ACBD6: variants seen among roughly 807,000 people sequenced by gnomAD.
The protein encoded by ACBD6 is acyl-CoA binding domain containing 6, also known as acyl-CoA-binding domain-containing protein 6.
A neutral mutation model predicts 37.2 loss-of-function variants in ACBD6; 28 were observed. The ratio of observed to expected loss-of-function variants is 0.75; its 90% CI spans 0.56 to 1.03. The LOEUF is 1.03. Among genes scored for constraint, ACBD6 ranks in the 50% least tolerant of loss-of-function variants. ACBD6 has a pLI of 0.00. For synonymous variants in ACBD6, 113 were observed against 126.8 expected (o/e 0.89, Z 0.73); for missense variants, 340 against 337.4 (o/e 1.01, Z -0.06).
chr1:180,466,636 A>C (rs1456132251), intron 3 of ACBD6, among the ~76,000 whole-genome samples: 1 of 152,220 alleles, frequency 6.6e-6, no homozygotes, highest in Non-Finnish European at 1.5e-5. Flanking sequence ...CAATTGGGAT[A>C]AACTTCATTA....
rs746011954 is a variant in ACBD6, at chr1:180,502,303, GTCC to G, written c.-40_-38del. 6.2e-7 allele frequency: 1 copy of G among 1,607,074 alleles called. No individual in the cohort carries two copies. The highest frequency in any genetic ancestry group is 8.5e-7 in the Non-Finnish European group (1 of 1,177,022). ...CGCTCCGTCCCTCTGTGTCCGGTCT[GTCC>G]TCCTTGGATTGGGTGTAAGGCCGGC... On this transcript the variant is annotated 5_prime_UTR_variant, in exon 1 of 8. Coordinates refer to ENST00000367595, the MANE Select transcript of ACBD6 (RefSeq NM_032360.4).
intron 7 of ACBD6, 63 bp downstream of exon 7, chr1:180,314,629 T>C: frequency 1.5e-6 from 2 of 1,353,102 alleles, no homozygotes; most frequent in Non-Finnish European, 2.1e-6. Context: ...ATGGACAAAG[T>C]TGAAATAAAC....
At chr1:180,482,413 T>C (rs1181730871) in intron 3 of ACBD6, among the ~76,000 whole-genome samples, 1 of 151,796 alleles carries the variant, frequency 6.6e-6, no homozygotes, top group Non-Finnish European at 1.5e-5. Context: ...TAACAATGGA[T>C]GCTAGTCTAA....
intron 7 of ACBD6, among the ~76,000 whole-genome samples, chr1:180,295,852 A>G (rs1373061326): frequency 1.3e-5 from 2 of 152,112 alleles, no homozygotes; most frequent in Admixed American, 1.3e-4. Context: ...AGACACAATA[A>G]TATTGAAATT....
intron 3 of ACBD6, among the ~76,000 whole-genome samples, chr1:180,432,694 G>C (rs1451912167): frequency 6.6e-6 from 1 of 151,936 alleles, no homozygotes; most frequent in Non-Finnish European, 1.5e-5. Flanking sequence ...AAAAAGAAGA[G>C]TCAAATAACT....
chr1:180,324,392 T>C (rs1358989408), intron 6 of ACBD6, among the ~76,000 whole-genome samples: 1 of 152,092 alleles, frequency 6.6e-6, no homozygotes, highest in Non-Finnish European at 1.5e-5. Context: ...TTTTTTGATT[T>C]GAGGTTATCA....
chr1:180,404,443 G>GA (rs1358567829), intron 5 of ACBD6, among the ~76,000 whole-genome samples: 2 of 152,050 alleles, frequency 1.3e-5, no homozygotes, highest in Middle Eastern at 3.4e-3. Flanking sequence ...TGGCTCATGT[G>GA]AAAAAAATAT....
intron 6 of ACBD6, among the ~76,000 whole-genome samples, chr1:180,373,445 C>A (rs1368934855): frequency 6.6e-6 from 1 of 152,122 alleles, no homozygotes; most frequent in African/African-American, 2.4e-5. Context: ...AGAGTACTAG[C>A]CTTTACCTAA....
chr1:180,416,681 G>A (rs1171853559), intron 4 of ACBD6, among the ~76,000 whole-genome samples: 1 of 152,128 alleles, frequency 6.6e-6, no homozygotes, highest in Non-Finnish European at 1.5e-5. Flanking sequence ...AATAATCACT[G>A]GTTTTGACAT....
intron 3 of ACBD6, among the ~76,000 whole-genome samples, chr1:180,478,168 GATA>G (rs1356528518): frequency 4.0e-5 from 6 of 151,844 alleles, no homozygotes; most frequent in Non-Finnish European, 8.8e-5. Context: ...GGGATGTAAA[GATA>G]ATAAGATTAT....
At chr1:180,485,023 T>C (rs1309542232) in intron 3 of ACBD6, among the ~76,000 whole-genome samples, 4 of 151,396 alleles carry the variant, frequency 2.6e-5, no homozygotes, top group Non-Finnish European at 2.9e-5. Context: ...TGAGCCGAGA[T>C]TGCACAACTG....
chr1:180,339,678 T>C (rs1362215173), intron 6 of ACBD6, among the ~76,000 whole-genome samples: 2 of 151,998 alleles, frequency 1.3e-5, no homozygotes, highest in Non-Finnish European at 2.9e-5. Flanking sequence ...ACTTAAAGTA[T>C]AATTAAAAAA....
intron 4 of ACBD6, among the ~76,000 whole-genome samples, chr1:180,418,938 G>GT (rs1469919948): frequency 1.3e-5 from 2 of 152,240 alleles, no homozygotes; most frequent in East Asian, 3.9e-4. Flanking sequence ...GTGTTTTTTT[G>GT]TGTGTTGTGC....
chr1:180,487,062 A>G (rs1651295680), intron 3 of ACBD6, among the ~76,000 whole-genome samples: 1 of 152,190 alleles, frequency 6.6e-6, no homozygotes, highest in African/African-American at 2.4e-5. Flanking sequence ...AGAGGAGACT[A>G]AAGATACATG....
At chr1:180,501,751 TA>T (rs1396629585) in intron 1 of ACBD6, among the ~76,000 whole-genome samples, 1 of 152,122 alleles carries the variant, frequency 6.6e-6, no homozygotes, top group Non-Finnish European at 1.5e-5. Flanking sequence ...CCTCATTTTG[TA>T]AAGGTTCTTG....
At chr1:180,491,981 TG>T (rs1651522553) in intron 3 of ACBD6, among the ~76,000 whole-genome samples, 1 of 152,088 alleles carries the variant, frequency 6.6e-6, no homozygotes, top group Admixed American at 6.6e-5. Flanking sequence ...AGCTAATTTT[TG>T]TATTTTTAGT....
At chr1:180,348,936 G>T (rs774882762) in intron 6 of ACBD6, among the ~76,000 whole-genome samples, 1 of 151,916 alleles carries the variant, frequency 6.6e-6, no homozygotes, top group Non-Finnish European at 1.5e-5. Context: ...TTTCTCTCAG[G>T]TTAATAGGAC....
intron 3 of ACBD6, among the ~76,000 whole-genome samples, chr1:180,473,521 T>G (rs981141286): frequency 3.4e-5 from 5 of 147,980 alleles, no homozygotes; most frequent in African/African-American, 7.5e-5. Flanking sequence ...GGGAAAGAAA[T>G]AAACTTTAAA....
At chr1:180,497,030 C>T (rs1265071312) in intron 1 of ACBD6, among the ~76,000 whole-genome samples, 1 of 152,194 alleles carries the variant, frequency 6.6e-6, no homozygotes, top group Non-Finnish European at 1.5e-5. Flanking sequence ...TTTACTACAT[C>T]ATTCTGTCTT....
Sources: gnomAD v4.1 joint callset for allele counts (sites outside exome capture counted in the v4.1 genomes callset) on GRCh38, gnomAD v4.1.1 for gene constraint, MANE v1.5 for transcripts, NCBI Gene and HGNC (gene_info 2026-07-23, HGNC 2026-07-21) for gene names.